The following CSMD1 variants were observed in gnomAD, a reference collection of about 807,000 sequenced individuals.
CSMD1 encodes CUB and Sushi multiple domains 1, also known as CUB and sushi domain-containing protein 1.
In CSMD1, 213 loss-of-function variants were observed where a neutral mutation model predicts 417.5. That is an observed-to-expected ratio of 0.51 (90% CI 0.46 to 0.57). The LOEUF is 0.57. Among genes scored for constraint, CSMD1 ranks in the 20% least tolerant of loss-of-function variants. CSMD1 has a pLI of 0.00. For synonymous variants in CSMD1, 2,862 were observed against 1,736.8 expected (o/e 1.65, Z -16.11); for missense variants, 6,923 against 4,529.7 (o/e 1.53, Z -15.17).
chr8:4,091,050 C>G (rs952161989), intron 3 of CSMD1, among the ~76,000 whole-genome samples: 1 of 151,860 alleles, frequency 6.6e-6, no homozygotes, highest in Non-Finnish European at 1.5e-5. Flanking sequence ...TCACAAGTAT[C>G]TGGGTCTACA....
intron 3 of CSMD1, among the ~76,000 whole-genome samples, chr8:4,074,231 A>T (rs1342694402): frequency 6.6e-6 from 1 of 152,076 alleles, no homozygotes; most frequent in Non-Finnish European, 1.5e-5. Flanking sequence ...AGCTTTTTGT[A>T]ACCCCAGAGA....
intron 15 of CSMD1, among the ~76,000 whole-genome samples, chr8:3,401,378 A>C (rs1395068851): frequency 1.3e-5 from 2 of 152,056 alleles, no homozygotes; most frequent in Non-Finnish European, 2.9e-5. Context: ...AATATTAATT[A>C]TTTTATTATA....
chr8:3,394,051 T>G (rs1811537963), intron 17 of CSMD1, among the ~76,000 whole-genome samples: 1 of 122,524 alleles, frequency 8.2e-6, no homozygotes, highest in East Asian at 2.4e-4. Flanking sequence ...TATATATATA[T>G]ATATAGAAAA....
chr8:4,824,331 G>T (rs1336632174), intron 1 of CSMD1, among the ~76,000 whole-genome samples: 1 of 152,082 alleles, frequency 6.6e-6, no homozygotes, highest in African/African-American at 2.4e-5. Context: ...ATTTGGTTGG[G>T]AGGTAGATAG....
chr8:4,449,731 T>C (rs1799020842), intron 2 of CSMD1, among the ~76,000 whole-genome samples: 1 of 151,520 alleles, frequency 6.6e-6, no homozygotes, highest in Admixed American at 6.6e-5. Context: ...CAGAATAGGG[T>C]CGGGTGTAGA....
intron 10 of CSMD1, among the ~76,000 whole-genome samples, chr8:3,497,147 G>C (rs1021560587): frequency 6.6e-6 from 1 of 152,140 alleles, no homozygotes; most frequent in Admixed American, 6.5e-5. Flanking sequence ...TTCTGTAAAT[G>C]TCCGTTAGGT....
rs140588832 is a variant in CSMD1 at position 3,383,170 on chromosome 8, G to C, written c.2782+4324C>G. On this transcript the variant is annotated intron_variant, in intron 18 of 69. Coordinates refer to ENST00000635120, the MANE Select transcript of CSMD1 (RefSeq NM_033225.6). ...AGATAAACATAAGTTTTTACTTTTA[G>C]GGGTGATTAACAAGTTATAGATCAT... 1.1e-3 allele frequency among the ~76,000 whole-genome samples: 162 copies of C among 152,294 alleles called. 1 individual carries two copies. Among genetic ancestry groups the C allele is most frequent in the African/African-American group, 3.8e-3 (156 of 41,574 alleles).
chr8:3,625,303 G>T (rs577175402), intron 7 of CSMD1, among the ~76,000 whole-genome samples: 1 of 152,130 alleles, frequency 6.6e-6, no homozygotes, highest in African/African-American at 2.4e-5. Context: ...TATACGTATT[G>T]TTTTAGATCT....
At chr8:4,631,500 C>T (rs1802514318) in intron 2 of CSMD1, among the ~76,000 whole-genome samples, 1 of 151,212 alleles carries the variant, frequency 6.6e-6, no homozygotes, top group African/African-American at 2.4e-5. Flanking sequence ...AATGCTAGGT[C>T]TCTAGTCTAA....
At chr8:4,850,229 G>A (rs1397132377) in intron 1 of CSMD1, among the ~76,000 whole-genome samples, 2 of 151,974 alleles carry the variant, frequency 1.3e-5, no homozygotes, top group Non-Finnish European at 1.5e-5. Flanking sequence ...TTTTATTACT[G>A]AGCTCCAAGA....
At chr8:4,088,619 C>T (rs1242804561) in intron 3 of CSMD1, among the ~76,000 whole-genome samples, 2 of 152,140 alleles carry the variant, frequency 1.3e-5, no homozygotes, top group Non-Finnish European at 2.9e-5. Context: ...CCCCTTCCCA[C>T]CCAACCAGGT....
chr8:4,772,332 T>C (rs1272560851), intron 1 of CSMD1, among the ~76,000 whole-genome samples: 1 of 152,240 alleles, frequency 6.6e-6, no homozygotes, highest in Non-Finnish European at 1.5e-5. Flanking sequence ...TCTTCTATCC[T>C]TGCTTTTTTT....
intron 3 of CSMD1, among the ~76,000 whole-genome samples, chr8:4,297,105 G>T (rs893827933): frequency 6.6e-6 from 1 of 151,908 alleles, no homozygotes; most frequent in Admixed American, 6.6e-5. Flanking sequence ...CTAGAGCATC[G>T]TAGGTGTAAT....
intron 26 of CSMD1, among the ~76,000 whole-genome samples, chr8:3,255,277 C>G (rs1314358492): frequency 1.3e-5 from 2 of 151,988 alleles, no homozygotes; most frequent in South Asian, 2.1e-4. Context: ...CAGTCTGCCC[C>G]TACTGGGGGA....
intron 26 of CSMD1, among the ~76,000 whole-genome samples, chr8:3,277,677 G>T (rs1350260127): frequency 1.3e-5 from 2 of 152,192 alleles, no homozygotes; most frequent in Admixed American, 6.5e-5. Context: ...TGAGTTTCAG[G>T]TGTTGAGTTG....
At chr8:3,240,061 G>C (rs1799398912) in intron 26 of CSMD1, among the ~76,000 whole-genome samples, 1 of 152,152 alleles carries the variant, frequency 6.6e-6, no homozygotes, top group Non-Finnish European at 1.5e-5. Context: ...GATTTTAAGG[G>C]CCTCTAAAAG....
At chr8:4,533,799 T>G (rs1423308691) in intron 2 of CSMD1, among the ~76,000 whole-genome samples, 2 of 151,630 alleles carry the variant, frequency 1.3e-5, no homozygotes, top group Admixed American at 6.6e-5. Context: ...TTTTCTGTGC[T>G]TCTATATTTT....
At chr8:4,100,154 G>A (rs1801232536) in intron 3 of CSMD1, among the ~76,000 whole-genome samples, 2 of 152,114 alleles carry the variant, frequency 1.3e-5, no homozygotes, top group South Asian at 2.1e-4. Flanking sequence ...TGGTTTTTAT[G>A]TGAGTAAAAT....
chr8:3,742,146 T>G (rs529192246), intron 6 of CSMD1, among the ~76,000 whole-genome samples: 1 of 152,266 alleles, frequency 6.6e-6, no homozygotes, highest in African/African-American at 2.4e-5. Flanking sequence ...ACCTAGTCAC[T>G]TCTATCGCCT....
Sources: gnomAD v4.1 joint callset for allele counts (sites outside exome capture counted in the v4.1 genomes callset) on GRCh38, gnomAD v4.1.1 for gene constraint, MANE v1.5 for transcripts, NCBI Gene and HGNC (gene_info 2026-07-23, HGNC 2026-07-21) for gene names.